Variants in PI4K2A observed in about 807,000 individuals in gnomAD.
The protein encoded by PI4K2A is phosphatidylinositol 4-kinase type 2-alpha.
Under a neutral mutation model 55.0 loss-of-function variants are expected in PI4K2A, and 20 were observed. The ratio of observed to expected loss-of-function variants is 0.36; its 90% confidence interval spans 0.26 to 0.53. The LOEUF is 0.53. PI4K2A is among the 20% of genes least tolerant of loss of function. PI4K2A has a pLI of 0.91. For synonymous variants in PI4K2A, 235 were observed against 258.5 expected (o/e 0.91, Z 0.87); for missense variants, 463 against 637.1 (o/e 0.73, Z 2.94).
chr10:97,662,708 C>T (rs1216895747), intron 4 of PI4K2A, among the ~76,000 whole-genome samples, 199 bp from the exon 5 acceptor site: 1 of 152,136 alleles, frequency 6.6e-6, no homozygotes, highest in Non-Finnish European at 1.5e-5. Flanking sequence ...CCTTTCTCTC[C>T]CATATCTTCA....
At chr10:97,672,977 GT>G (rs1039321295) in intron 8 of PI4K2A, among the ~76,000 whole-genome samples, 1,867 of 138,022 alleles carry the variant, frequency 0.014, 40 homozygotes, top group African/African-American at 0.041. Flanking sequence ...TGTTTTTTGT[GT>G]TTTTTTTTTT....
intron 1 of PI4K2A, among the ~76,000 whole-genome samples, 173 bp from the exon 2 acceptor site, chr10:97,650,768 G>A (rs1226467094): frequency 6.6e-6 from 1 of 152,226 alleles, no homozygotes; most frequent in Non-Finnish European, 1.5e-5. Context: ...TCTCTTAGCT[G>A]CACACACGAG....
chr10:97,643,487 T>G (rs1007813301), intron 1 of PI4K2A, among the ~76,000 whole-genome samples: 1 of 152,192 alleles, frequency 6.6e-6, no homozygotes, highest in African/African-American at 2.4e-5. Context: ...ATCTCTTAAT[T>G]CTACCTGGCA....
At chr10:97,648,304 C>G (rs989076477) in intron 1 of PI4K2A, among the ~76,000 whole-genome samples, 4 of 151,928 alleles carry the variant, frequency 2.6e-5, no homozygotes, top group Non-Finnish European at 4.4e-5. Context: ...GTTGGTCAGG[C>G]TGGTCTCGAA....
chr10:97,669,528 G>A (rs1277060586), intron 8 of PI4K2A, among the ~76,000 whole-genome samples: 3 of 152,152 alleles, frequency 2.0e-5, no homozygotes, highest in Non-Finnish European at 4.4e-5. Context: ...CTTCAGAGGA[G>A]CTTTTGGTAT....
At chr10:97,659,629 T>C (rs2041571109) in intron 4 of PI4K2A, among the ~76,000 whole-genome samples, 2 of 152,094 alleles carry the variant, frequency 1.3e-5, no homozygotes, top group Admixed American at 1.3e-4. Context: ...ATTATGATGT[T>C]AGGGTCCTTT....
intron 1 of PI4K2A, among the ~76,000 whole-genome samples, chr10:97,648,999 G>A (rs1380986253): frequency 2.0e-5 from 3 of 152,206 alleles, no homozygotes; most frequent in Admixed American, 6.6e-5. Context: ...TCCTTGGAAG[G>A]CATTTTTAAA....
At chr10:97,641,434 C>T (rs1176598974) in intron 1 of PI4K2A, among the ~76,000 whole-genome samples, 1 of 152,132 alleles carries the variant, frequency 6.6e-6, no homozygotes, top group Non-Finnish European at 1.5e-5. Flanking sequence ...GGGGGCTCAG[C>T]GGTGTGGTGG....
chr10:97,673,831 G>A, exon 9 of PI4K2A: 3 of 1,250,468 alleles, frequency 2.4e-6, no homozygotes, highest in Non-Finnish European at 3.4e-6. Flanking sequence ...GAAGCCGGTG[G>A]AGAGCAGCAC....
chr10:97,664,378 C>T (rs2041600491), intron 5 of PI4K2A, among the ~76,000 whole-genome samples: 1 of 152,190 alleles, frequency 6.6e-6, no homozygotes, highest in Non-Finnish European at 1.5e-5. Context: ...TTTCATGCAC[C>T]ACTGAAGCAG....
At chr10:97,662,114 C>G (rs1159462440) in intron 4 of PI4K2A, among the ~76,000 whole-genome samples, 1 of 152,150 alleles carries the variant, frequency 6.6e-6, no homozygotes, top group Non-Finnish European at 1.5e-5. Context: ...TCCTCAGCCT[C>G]CCAAAATGCT....
At position 97,644,902 on chromosome 10, in the gene PI4K2A, G is replaced by T. The variant is rs1046912450; in HGVS notation, c.435+3725G>T. ...CTGCGACAGCCACTTTTGGATCTTA[G>T]ACAGTCTGAAAGATTCTTGAAGATA... On this transcript the variant is annotated intron_variant, in intron 1 of 8. Coordinates refer to ENST00000370631, the Ensembl canonical transcript of PI4K2A. Among the ~76,000 whole-genome samples the T allele has an allele frequency of 3.3e-5, 5 of 152,092 alleles. No homozygotes were observed. The East Asian group carries it at 9.6e-4, about 29-fold the overall frequency.
chr10:97,641,107 A>G, exon 1 of PI4K2A: 2 of 1,609,166 alleles, frequency 1.2e-6, no homozygotes, highest in Non-Finnish European at 1.7e-6. Context: ...CTGGCCATCG[A>G]GCGCTGCATC....
chr10:97,667,075 C>T (rs368596585), exon 8 of PI4K2A: 68 of 1,613,318 alleles, frequency 4.2e-5, no homozygotes, highest in Middle Eastern at 3.3e-4. Flanking sequence ...ATCCTGGTTT[C>T]GACAGGGGCC....
chr10:97,644,952 T>G (rs538145171), intron 1 of PI4K2A, among the ~76,000 whole-genome samples: 1 of 151,962 alleles, frequency 6.6e-6, no homozygotes, highest in Non-Finnish European at 1.5e-5. Context: ...ATTTCTCAAT[T>G]TTGGATGGTT....
intron 4 of PI4K2A, among the ~76,000 whole-genome samples, chr10:97,659,539 A>G (rs1252404029): frequency 6.6e-6 from 1 of 151,424 alleles, no homozygotes; most frequent in Non-Finnish European, 1.5e-5. Context: ...TAAGACTTCC[A>G]GTACTATGTT....
At chr10:97,646,738 A>G (rs767119028) in intron 1 of PI4K2A, among the ~76,000 whole-genome samples, 3 of 152,134 alleles carry the variant, frequency 2.0e-5, no homozygotes, top group African/African-American at 4.8e-5. Flanking sequence ...CTGATTAGAT[A>G]TAGGAACCCC....
chr10:97,664,968 T>G, exon 6 of PI4K2A: 2 of 1,612,062 alleles, frequency 1.2e-6, no homozygotes, highest in Admixed American at 1.7e-5. Flanking sequence ...TGAAGCATCC[T>G]GACTCCTGGA....
exon 9 of PI4K2A, chr10:97,673,921 A>G: frequency 1.7e-6 from 1 of 597,014 alleles, no homozygotes; most frequent in Non-Finnish European, 3.0e-6. Flanking sequence ...AGGAACAGTG[A>G]GTGCTCCTCG....
Sources: allele counts gnomAD v4.1 joint callset (sites outside exome capture counted in the v4.1 genomes callset), GRCh38; gene constraint gnomAD v4.1.1; transcripts MANE v1.5; gene names NCBI Gene and HGNC (gene_info 2026-07-23, HGNC 2026-07-21).